MEMO1: variants seen among roughly 807,000 people sequenced by gnomAD.
MEMO1 encodes the protein mediator of cell motility 1.
A neutral mutation model predicts 45.2 loss-of-function variants in MEMO1; 6 were observed. The observed-to-expected ratio is 0.13, with a 90% CI of 0.07 to 0.26. MEMO1 has a LOEUF of 0.26. Ranked by LOEUF, MEMO1 falls within the 10% of genes least tolerant of loss-of-function variation. MEMO1 has a pLI of 1.00. For synonymous variants in MEMO1, 78 were observed against 124.3 expected (o/e 0.63, Z 2.48); for missense variants, 184 against 370.5 (o/e 0.50, Z 4.13).
intron 7 of MEMO1, among the ~76,000 whole-genome samples, chr2:31,891,363 G>A (rs1383362191): frequency 6.6e-6 from 1 of 152,090 alleles, no homozygotes; most frequent in African/African-American, 2.4e-5. Context: ...TCCACAAACA[G>A]CTCACTTCTC....
intron 8 of MEMO1, among the ~76,000 whole-genome samples, chr2:31,877,281 T>C (rs1232611532): frequency 6.6e-6 from 1 of 152,082 alleles, no homozygotes. Flanking sequence ...AGAATAAAAA[T>C]ACAGCAGGGT....
chr2:32,010,913 G>C (rs1364296380), intron 1 of MEMO1, 29 bp downstream of exon 1: 2 of 152,376 alleles, frequency 1.3e-5, no homozygotes, highest in African/African-American at 4.8e-5. Flanking sequence ...GGGGAAGGCA[G>C]ACCCGGAGAA....
At chr2:31,926,292 A>G (rs1683099506) in intron 4 of MEMO1, among the ~76,000 whole-genome samples, 1 of 151,234 alleles carries the variant, frequency 6.6e-6, no homozygotes, top group Non-Finnish European at 1.5e-5. Flanking sequence ...GGATCACTTG[A>G]GCCTGGGAAT....
rs113014717 is a variant in MEMO1 at position 31,973,523 on chromosome 2, G to T, written c.62-30140C>A. On this transcript the variant is annotated intron_variant, in intron 2 of 9. Transcript: ENST00000404530. ...AGATACTTGTACACAAATACTGATG[G>T]CAGCACTATTCACAAAAGCCAAAAG... 3.0e-3 allele frequency among the ~76,000 whole-genome samples: 456 copies of T among 152,194 alleles called. 5 individuals are homozygous for T. Among genetic ancestry groups the T allele is most frequent in the African/African-American group, 0.01 (428 of 41,528 alleles).
chr2:31,907,808 C>T (rs1471087268), intron 6 of MEMO1, among the ~76,000 whole-genome samples: 1 of 151,724 alleles, frequency 6.6e-6, no homozygotes, highest in Non-Finnish European at 1.5e-5. Flanking sequence ...CACACACACA[C>T]ACACACACAC....
intron 3 of MEMO1, among the ~76,000 whole-genome samples, chr2:31,933,623 T>C (rs1487527716): frequency 6.6e-6 from 1 of 151,846 alleles, no homozygotes; most frequent in Non-Finnish European, 1.5e-5. Context: ...AAGATATGAA[T>C]GGAGAAAATG....
intron 2 of MEMO1, among the ~76,000 whole-genome samples, chr2:31,976,867 T>A (rs551522466): frequency 6.6e-6 from 1 of 152,224 alleles, no homozygotes; most frequent in South Asian, 2.1e-4. Flanking sequence ...TAAGCAACAT[T>A]ACTGAGACTG....
chr2:31,909,755 T>TA (rs1680286518), intron 6 of MEMO1, among the ~76,000 whole-genome samples: 1 of 152,114 alleles, frequency 6.6e-6, no homozygotes, highest in African/African-American at 2.4e-5. Context: ...GAAATTTTTT[T>TA]AAATCCTAAA....
intron 2 of MEMO1, among the ~76,000 whole-genome samples, chr2:31,987,390 G>A (rs1039411701): frequency 6.6e-6 from 1 of 152,128 alleles, no homozygotes; most frequent in South Asian, 2.1e-4. Flanking sequence ...TATCATGTGG[G>A]CTGAAATAAG....
rs1359319647 is a variant in MEMO1 at position 31,988,202 on chromosome 2, T to C, written c.61+21985A>G. 2.0e-5 allele frequency among the ~76,000 whole-genome samples: 3 copies of C among 152,178 alleles called. No individual in the cohort carries two copies. The East Asian group carries it at 5.8e-4, about 29-fold the overall frequency. On this transcript the variant is annotated intron_variant, in intron 2 of 9. Coordinates refer to ENST00000404530, the MANE Select transcript of MEMO1 (RefSeq NM_001301833.4). ...ACCAAAACCACTTTGAGAATAATAC[T>C]AAAATATTATTTGTTTCTTTCACTG...
intron 6 of MEMO1, among the ~76,000 whole-genome samples, chr2:31,917,424 G>C (rs189745439): frequency 1.6e-4 from 24 of 152,192 alleles, no homozygotes; most frequent in African/African-American, 5.8e-4. Flanking sequence ...TCCTCGTTCG[G>C]CTCACAGTAC....
At chr2:31,986,468 T>C (rs1447693890) in intron 2 of MEMO1, among the ~76,000 whole-genome samples, 2 of 151,934 alleles carry the variant, frequency 1.3e-5, no homozygotes, top group South Asian at 2.1e-4. Context: ...TGAGACACTG[T>C]CTCAAAAAAA....
At chr2:31,959,607 T>C (rs904758527) in intron 2 of MEMO1, among the ~76,000 whole-genome samples, 1 of 151,838 alleles carries the variant, frequency 6.6e-6, no homozygotes, top group Non-Finnish European at 1.5e-5. Context: ...TACAAGTAGT[T>C]ACAGACAAGA....
rs1235158279 is a variant in MEMO1, at chr2:31,869,638, A to G, written c.762+210T>C. Among the ~76,000 whole-genome samples the G allele has an allele frequency of 2.6e-5, 4 of 152,074 alleles. No homozygotes were observed. The East Asian group carries it at 5.8e-4, about 22-fold the overall frequency. On this transcript the variant is annotated intron_variant, in intron 9 of 9. Transcript: ENST00000404530. ...GTCTCTATTCTAAATAACTTTTTGT[A>G]TTTAACAGAAAGTATTGAACTGTAT...
At chr2:31,953,548 C>T (rs922953395) in intron 2 of MEMO1, among the ~76,000 whole-genome samples, 14 of 151,734 alleles carry the variant, frequency 9.2e-5, no homozygotes, top group Non-Finnish European at 1.2e-4. Context: ...CTCCGCCTCC[C>T]GGGTTCAAGC....
At chr2:31,892,237 A>G (rs942254246) in intron 6 of MEMO1, 103 bp from the exon 7 acceptor site, 8 of 955,312 alleles carry the variant, frequency 8.4e-6, no homozygotes, top group Non-Finnish European at 1.3e-5. Context: ...AATAGTGGTA[A>G]GGATAACATA....
At chr2:31,874,124 C>G (rs1325221330) in intron 8 of MEMO1, among the ~76,000 whole-genome samples, 2 of 152,070 alleles carry the variant, frequency 1.3e-5, no homozygotes, top group Non-Finnish European at 2.9e-5. Flanking sequence ...TTCAGATTAT[C>G]CTTGCCGAAT....
intron 2 of MEMO1, among the ~76,000 whole-genome samples, chr2:31,990,872 C>T (rs150553644): frequency 1.3e-5 from 2 of 152,140 alleles, no homozygotes; most frequent in East Asian, 1.9e-4. Context: ...AATGACATTT[C>T]GCTGAGACTA....
At chr2:31,891,824 C>T (rs1304082371) in intron 7 of MEMO1, among the ~76,000 whole-genome samples, 168 bp downstream of exon 7, 1 of 152,080 alleles carries the variant, frequency 6.6e-6, no homozygotes, top group African/African-American at 2.4e-5. Context: ...TAATCTGATC[C>T]TTTTTAAAGG....
Sources: gnomAD v4.1 joint callset for allele counts (sites outside exome capture counted in the v4.1 genomes callset) on GRCh38, gnomAD v4.1.1 for gene constraint, MANE v1.5 for transcripts, NCBI Gene and HGNC (gene_info 2026-07-23, HGNC 2026-07-21) for gene names.